Variants in SCNN1B observed in about 807,000 individuals in gnomAD.
The protein encoded by SCNN1B is sodium channel epithelial 1 subunit beta.
In SCNN1B, 46 loss-of-function variants were observed where a neutral mutation model predicts 65.3. That is an observed-to-expected ratio of 0.70 (90% CI 0.56 to 0.90). The LOEUF (loss-of-function observed/expected upper bound fraction) is 0.90, where lower values mean the gene tolerates loss of function less well. Ranked by LOEUF, SCNN1B falls within the 40% of genes least tolerant of loss-of-function variation. The pLI is 0.00. For synonymous variants in SCNN1B, 349 were observed against 330.6 expected (o/e 1.06, Z -0.60); for missense variants, 751 against 830.5 (o/e 0.90, Z 1.18).
intron 8 of SCNN1B, 30 bp from the exon 9 acceptor site, chr16:23,377,135 C>T (rs1962915627): frequency 6.2e-7 from 1 of 1,607,838 alleles, no homozygotes; most frequent in African/African-American, 1.3e-5. Flanking sequence ...CCCCTTAAAC[C>T]TCTTGGCCGC....
intron 1 of SCNN1B, among the ~76,000 whole-genome samples, chr16:23,333,217 G>GA (rs533739310): frequency 1.7e-3 from 252 of 150,238 alleles, no homozygotes; most frequent in African/African-American, 5.6e-3. Context: ...AAGGAAGAAA[G>GA]AAAAAAGGCC....
At chr16:23,354,436 C>G (rs564507700) in intron 3 of SCNN1B, among the ~76,000 whole-genome samples, 1 of 152,352 alleles carries the variant, frequency 6.6e-6, no homozygotes, top group African/African-American at 2.4e-5. Context: ...CAGGGAGAAC[C>G]AGCAGCAGCC....
rs2142050545 is a variant in SCNN1B, at chr16:23,380,580, C to A, written c.1702C>A (p.Gln568Lys). 2 of 1,614,168 alleles carry A rather than the reference C, an allele frequency of 1.2e-6. No individual in the cohort carries two copies. The highest frequency in any genetic ancestry group is 1.7e-6 in the Non-Finnish European group (2 of 1,180,012). ...LAKSLRQRRAQASYAGPPPTV... is the reference protein window; with the variant it reads ...LAKSLRQRRAKASYAGPPPTV... ...CAAGAGCCTACGGCAGCGGCGAGCC[C>A]AAGCCAGCTACGCTGGCCCACCGCC... The change falls in exon 13 of 13, where the codon CAA becomes AAA. Residue 568 changes from glutamine to lysine, a missense_variant. Coordinates refer to ENST00000343070, the MANE Select transcript of SCNN1B (RefSeq NM_000336.3). The surrounding 1 kb of genome is among the most constrained non-coding windows in gnomAD (Gnocchi z 5.4).
chr16:23,279,033 A>C (rs1052930923), intron 1 of SCNN1B, among the ~76,000 whole-genome samples: 2 of 151,572 alleles, frequency 1.3e-5, no homozygotes, highest in South Asian at 2.1e-4. Flanking sequence ...TGTTGAAAAA[A>C]AGCCTCCAAA....
chr16:23,289,865 G>A (rs1238112357), intron 2 of SCNN1B, among the ~76,000 whole-genome samples: 6 of 151,754 alleles, frequency 4.0e-5, no homozygotes, highest in African/African-American at 7.2e-5. Context: ...TAGTAGAGAC[G>A]GGGTTTCACC....
rs1018525886 is a variant in SCNN1B at position 23,375,796 on chromosome 16, AC to A, written c.1213del (p.Leu405CysfsTer28). 2.5e-6 allele frequency: 4 copies of A among 1,613,800 alleles called. No homozygotes were observed. The African/African-American group carries it at 5.3e-5, about 22-fold the overall frequency. On this transcript the variant is annotated frameshift_variant, in exon 8 of 13. Transcript: ENST00000343070. LOFTEE classifies it high-confidence loss of function. ...HMIRNCNCGHYLYPLPRGEKY... is the reference protein window; with the variant it reads ...HMIRNCNCGHXLYPLPRGEKY... ...ATCCGTAACTGCAACTGTGGCCACT[AC>A]CTGTACCCACTGCCCCGTGGGGAGA...
chr16:23,377,206 G>C lies in SCNN1B; in HGVS notation c.1312G>C (p.Glu438Gln). 2.5e-6 allele frequency: 4 copies of C among 1,614,254 alleles called. No individual in the cohort carries two copies. The highest frequency in any genetic ancestry group is 3.4e-6 in the Non-Finnish European group (4 of 1,180,038). ...SDLQMSVAQR[E>Q]TCIGMCKESC... ...TCTACAGATGAGCGTGGCGCAGAGA[G>C]AGACCTGCATTGGCATGTGCAAGGA... The change falls in exon 9 of 13, where the codon GAG becomes CAG. Residue 438 changes from glutamate (E) to glutamine (Q), a missense_variant. By Grantham distance (29) the Glu-to-Gln change is conservative (BLOSUM62 2). Coordinates refer to ENST00000343070, the MANE Select transcript of SCNN1B (RefSeq NM_000336.3).
intron 8 of SCNN1B, 121 bp from the exon 9 acceptor site, chr16:23,377,044 C>T: frequency 1.1e-6 from 1 of 875,698 alleles, no homozygotes; most frequent in Non-Finnish European, 1.9e-6. Flanking sequence ...CATGACACCT[C>T]CTCCTGCCAC....
At chr16:23,371,906 A>T in intron 7 of SCNN1B, 23 bp downstream of exon 7, 1 of 1,560,184 alleles carries the variant, frequency 6.4e-7, no homozygotes, top group Non-Finnish European at 8.8e-7. Context: ...TGCACGCCTC[A>T]TGCCCCGGGG....
chr16:23,372,016 C>T, intron 7 of SCNN1B, 133 bp downstream of exon 7: 1 of 735,328 alleles, frequency 1.4e-6, no homozygotes, highest in South Asian at 1.5e-5. Flanking sequence ...CACGGGGCAC[C>T]CCGGGCCTGT....
chr16:23,283,952 T>C (rs779097242), intron 2 of SCNN1B: 4 of 152,202 alleles, frequency 2.6e-5, no homozygotes, highest in African/African-American at 7.2e-5. Context: ...GCAGCCTCTG[T>C]TGGGAAATGT....
chr16:23,370,540 A>G (rs1271315882), intron 5 of SCNN1B, among the ~76,000 whole-genome samples: 1 of 152,218 alleles, frequency 6.6e-6, no homozygotes, highest in Non-Finnish European at 1.5e-5. Flanking sequence ...GACTGGGTCC[A>G]GTCCCTTCCC....
At chr16:23,316,143 TCACCATCATCACCATCAC>T (rs1961454234) in intron 1 of SCNN1B, among the ~76,000 whole-genome samples, 3 of 139,132 alleles carry the variant, frequency 2.2e-5, no homozygotes, top group Non-Finnish European at 4.7e-5. Context: ...CTCACCACCA[TCACCATCATCACCATCAC>T]CACCATCATC....
chr16:23,311,008 C>T (rs1487887982), intron 1 of SCNN1B, among the ~76,000 whole-genome samples: 1 of 152,218 alleles, frequency 6.6e-6, no homozygotes, highest in African/African-American at 2.4e-5. Flanking sequence ...AGTGAATGGC[C>T]TAGGCCAGTG....
chr16:23,360,689 G>A (rs544585223), intron 4 of SCNN1B, among the ~76,000 whole-genome samples: 5 of 144,350 alleles, frequency 3.5e-5, no homozygotes, highest in South Asian at 2.3e-4. Flanking sequence ...TCTGCCTCCC[G>A]GGTTCAAGTG....
Position 23,377,194 on chromosome 16 carries a change from G to A in SCNN1B, c.1300G>A (p.Val434Met), listed in dbSNP as rs201330438. Reference sequence around the variant, plus strand: ...TTGCTACTCAGATCTACAGATGAGCGTGGCGCAGAGAGAGACCTGCATTGG... The same window carrying A: ...TTGCTACTCAGATCTACAGATGAGCATGGCGCAGAGAGAGACCTGCATTGG... ...AHCYSDLQMS[V>M]AQRETCIGMC... The change falls in exon 9 of 13, where the codon GTG (valine) becomes ATG (methionine). Residue 434 changes from valine to methionine, a missense_variant. Coordinates refer to ENST00000343070, the MANE Select transcript of SCNN1B (RefSeq NM_000336.3). The A allele has an allele frequency of 2.3e-4, 367 of 1,614,224 alleles. 2 individuals are homozygous for A. In the Admixed American group the frequency reaches 3.4e-3, roughly 15 times the overall value.
At chr16:23,312,479 T>C (rs575759262) in intron 1 of SCNN1B, among the ~76,000 whole-genome samples, 54 of 152,192 alleles carry the variant, frequency 3.5e-4, no homozygotes, top group Middle Eastern at 6.8e-3. Context: ...GCAAGCCAAG[T>C]GCACAGCATG....
intron 1 of SCNN1B, among the ~76,000 whole-genome samples, chr16:23,335,853 C>T (rs1567301695): frequency 6.6e-6 from 1 of 152,088 alleles, no homozygotes; most frequent in African/African-American, 2.4e-5. Context: ...TGTCTCTGAT[C>T]AGCTCAAATA....
chr16:23,379,953 C>G (rs72654350), intron 11 of SCNN1B, 141 bp from the exon 12 acceptor site: 7 of 747,518 alleles, frequency 9.4e-6, no homozygotes, highest in Non-Finnish European at 1.7e-5. Flanking sequence ...CATGTGTGCA[C>G]GGGTGTGTGG....
Sources: gnomAD v4.1 joint callset for allele counts (sites outside exome capture counted in the v4.1 genomes callset) on GRCh38, gnomAD v4.1.1 for gene constraint, Gnocchi (gnomAD v3.1) non-coding constraint, MANE v1.5 for transcripts, NCBI Gene and HGNC (gene_info 2026-07-23, HGNC 2026-07-21) for gene names.